WDR93: variants seen among roughly 807,000 people sequenced by gnomAD.
The protein encoded by WDR93 is WD repeat domain 93, also known as WD repeat-containing protein 93.
Under a neutral mutation model 82.9 loss-of-function variants are expected in WDR93, and 73 were observed. The observed-to-expected ratio is 0.88, with a 90% CI of 0.73 to 1.07. The LOEUF is 1.07. WDR93 is among the 50% of genes least tolerant of loss of function. WDR93 has a pLI of 0.00. For synonymous variants in WDR93, 283 were observed against 300.1 expected (o/e 0.94, Z 0.59); for missense variants, 738 against 826.0 (o/e 0.89, Z 1.31).
intron 1 of WDR93, among the ~76,000 whole-genome samples, chr15:89,698,479 C>T (rs1258505271): frequency 6.6e-6 from 1 of 152,058 alleles, no homozygotes; most frequent in Non-Finnish European, 1.5e-5. Flanking sequence ...TTGTTTGTCC[C>T]GTCTGTTCCT....
At chr15:89,723,251 T>C (rs573431182) in intron 8 of WDR93, among the ~76,000 whole-genome samples, 29 of 151,194 alleles carry the variant, frequency 1.9e-4, no homozygotes, top group African/African-American at 7.1e-4. Flanking sequence ...TCTGGTACAC[T>C]CATACAAAAG....
intron 13 of WDR93, 152 bp downstream of exon 13, chr15:89,733,371 A>T (rs1396108057): frequency 2.0e-5 from 14 of 710,188 alleles, no homozygotes; most frequent in Non-Finnish European, 2.7e-5. Context: ...CCAATGTCAC[A>T]TATATGTTAC....
intron 11 of WDR93, 28 bp from the exon 12 acceptor site, chr15:89,731,415 A>G (rs1279345772): frequency 3.1e-6 from 5 of 1,613,000 alleles, no homozygotes; most frequent in Admixed American, 1.7e-5. Flanking sequence ...GTCTGGGGGA[A>G]CCGGTTGAGT....
chr15:89,717,633 T>A (rs1270983845), intron 7 of WDR93, among the ~76,000 whole-genome samples: 1 of 152,208 alleles, frequency 6.6e-6, no homozygotes, highest in Non-Finnish European at 1.5e-5. Flanking sequence ...TTTGTAAAAT[T>A]AGCAAAGGTA....
chr15:89,699,098 G>A (rs1243962189), intron 1 of WDR93, among the ~76,000 whole-genome samples: 2 of 152,070 alleles, frequency 1.3e-5, no homozygotes, highest in African/African-American at 2.4e-5. Context: ...TAGGGCTCAA[G>A]TGATCCTCCC....
chr15:89,740,209 C>A (rs145957808), intron 16 of WDR93, among the ~76,000 whole-genome samples: 4 of 152,254 alleles, frequency 2.6e-5, no homozygotes, highest in African/African-American at 9.6e-5. Flanking sequence ...CAAGTTCATG[C>A]CTGGGAAAAT....
At position 89,737,732 on chromosome 15, in the gene WDR93, A is replaced by G; in HGVS notation, c.1765+3A>G. Reference sequence around the variant, plus strand: ...CCATCCATGTTTCCTGCTCCGAGGTACAGAAAGGGACCAGGGCTGATGCCC... The same window carrying G: ...CCATCCATGTTTCCTGCTCCGAGGTGCAGAAAGGGACCAGGGCTGATGCCC... On this transcript the variant is annotated splice_donor_region_variant and intron_variant, in intron 15 of 16. Coordinates refer to ENST00000268130, the MANE Select transcript of WDR93 (RefSeq NM_020212.2). The G allele has an allele frequency of 6.2e-7, 1 of 1,614,168 alleles. No individual in the cohort carries two copies. Among genetic ancestry groups the G allele is most frequent in the South Asian group, 1.1e-5 (1 of 91,092 alleles).
At chr15:89,740,213 G>A (rs1030805524) in intron 16 of WDR93, among the ~76,000 whole-genome samples, 1 of 152,120 alleles carries the variant, frequency 6.6e-6, no homozygotes, top group African/African-American at 2.4e-5. Flanking sequence ...TTCATGCCTG[G>A]GAAAATTCTA....
At position 89,738,077 on chromosome 15, in the gene WDR93, C is replaced by G; in HGVS notation, c.1802C>G (p.Ala601Gly). ...CATGAAACTGCGTCCACCGACGATG[C>G]TGGAATCCAATATTCTGTTTTCTAT... ...YSHETASTDD[A>G]GIQYSVFYFN... The change falls in exon 16 of 17, where the codon GCT becomes GGT. Residue 601 changes from alanine to glycine, a missense_variant. Physicochemically the swap from Ala to Gly is moderately conservative, Grantham distance 60. Coordinates refer to ENST00000268130, the MANE Select transcript of WDR93 (RefSeq NM_020212.2). 4.3e-6 allele frequency: 7 copies of G among 1,613,634 alleles called. No individual in the cohort carries two copies. Among genetic ancestry groups the G allele is most frequent in the Non-Finnish European group, 5.9e-6 (7 of 1,179,830 alleles).
intron 8 of WDR93, among the ~76,000 whole-genome samples, chr15:89,723,199 CATAAATAAATAA>C (rs60829285): frequency 1.2e-3 from 177 of 143,666 alleles, no homozygotes; most frequent in Middle Eastern, 3.5e-3. Context: ...GAAACCGCGT[CATAAATAAATAA>C]ATAAATAAAT....
At chr15:89,726,551 C>T (rs1478149363) in intron 8 of WDR93, among the ~76,000 whole-genome samples, 1 of 152,156 alleles carries the variant, frequency 6.6e-6, no homozygotes, top group Admixed American at 6.6e-5. Flanking sequence ...AATTCTGAAA[C>T]TCAGGGTGCA....
chr15:89,729,260 G>T (rs1170561009), intron 10 of WDR93, among the ~76,000 whole-genome samples, 167 bp downstream of exon 10: 2 of 151,970 alleles, frequency 1.3e-5, no homozygotes, highest in African/African-American at 4.8e-5. Context: ...TTGCATCTGT[G>T]GCCCCTGAGC....
At chr15:89,735,188 A>G (rs1188187506) in intron 13 of WDR93, among the ~76,000 whole-genome samples, 2 of 152,084 alleles carry the variant, frequency 1.3e-5, no homozygotes, top group African/African-American at 2.4e-5. Flanking sequence ...TTGTTTTTCA[A>G]TGGTATTTAT....
At chr15:89,731,640 AG>A in intron 12 of WDR93, 78 bp downstream of exon 12, 1 of 1,592,636 alleles carries the variant, frequency 6.3e-7, no homozygotes, top group Non-Finnish European at 8.6e-7. Flanking sequence ...GAATTCCCAC[AG>A]GCCCTGGGCC....
chr15:89,731,427 T>C lies in WDR93; in HGVS notation c.1211-16T>C, dbSNP rs572908403. ...AGAGTCTGGGGGAACCGGTTGAGTA[T>C]TGTCCTTCCCCCTAGACCCCGAGGG... On this transcript the variant is annotated splice_polypyrimidine_tract_variant and intron_variant, in intron 11 of 16. Transcript: ENST00000268130. 24 of 1,613,862 alleles carry C rather than the reference T, an allele frequency of 1.5e-5. No individual in the cohort carries two copies. The highest frequency in any genetic ancestry group is 1.8e-5 in the Non-Finnish European group (21 of 1,179,880).
intron 3 of WDR93, 108 bp from the exon 4 acceptor site, chr15:89,705,446 G>A (rs2141608605): frequency 1.3e-6 from 1 of 740,878 alleles, no homozygotes; most frequent in South Asian, 1.5e-5. Flanking sequence ...GGAGGCCTAA[G>A]AATGAGCGAG....
chr15:89,719,079 A>AT (rs976092611), intron 7 of WDR93, among the ~76,000 whole-genome samples: 2 of 151,878 alleles, frequency 1.3e-5, no homozygotes, highest in East Asian at 1.9e-4. Flanking sequence ...TTGTTTGCAC[A>AT]TTTTTTTCTT....
intron 15 of WDR93, 72 bp downstream of exon 15, chr15:89,737,801 C>T (rs1967328964): frequency 1.3e-6 from 2 of 1,580,904 alleles, no homozygotes; most frequent in Admixed American, 3.5e-5. Context: ...ACAGAGAGAG[C>T]CCCTCCGATC....
chr15:89,693,744 T>A (rs1965014645), intron 1 of WDR93, among the ~76,000 whole-genome samples: 1 of 152,222 alleles, frequency 6.6e-6, no homozygotes, highest in Non-Finnish European at 1.5e-5. Flanking sequence ...TCAGAAGGAA[T>A]GTGTAAGATA....
Sources: gnomAD v4.1 joint callset for allele counts (sites outside exome capture counted in the v4.1 genomes callset) on GRCh38, gnomAD v4.1.1 for gene constraint, MANE v1.5 for transcripts, NCBI Gene and HGNC (gene_info 2026-07-23, HGNC 2026-07-21) for gene names.